Variants in SLC38A9 observed in about 807,000 individuals in gnomAD.
The protein encoded by SLC38A9 is solute carrier family 38 member 9.
A neutral mutation model predicts 62.3 loss-of-function variants in SLC38A9; 48 were observed. The observed-to-expected ratio is 0.77, with a 90% CI of 0.61 to 0.98. The LOEUF (loss-of-function observed/expected upper bound fraction) is 0.98, where lower values mean the gene tolerates loss of function less well. SLC38A9 is among the 50% of genes least tolerant of loss of function. The pLI is 0.00. For synonymous variants in SLC38A9, 204 were observed against 227.7 expected (o/e 0.90, Z 0.94); for missense variants, 541 against 679.8 (o/e 0.80, Z 2.27).
At chr5:55,659,938 G>C (rs1232505970) in intron 8 of SLC38A9, among the ~76,000 whole-genome samples, 1 of 150,156 alleles carries the variant, frequency 6.7e-6, no homozygotes, top group Non-Finnish European at 1.5e-5. Context: ...GCTAATTTTT[G>C]TGTACTTTTA....
At chr5:55,636,676 A>G (rs1404305257) in intron 12 of SLC38A9, among the ~76,000 whole-genome samples, 1 of 152,226 alleles carries the variant, frequency 6.6e-6, no homozygotes, top group African/African-American at 2.4e-5. Flanking sequence ...AACGTAGTAG[A>G]GTTTTATAAA....
chr5:55,635,854 A>T (rs1554050396), intron 12 of SLC38A9, among the ~76,000 whole-genome samples, 197 bp from the exon 13 acceptor site: 1 of 152,080 alleles, frequency 6.6e-6, no homozygotes, highest in Non-Finnish European at 1.5e-5. Flanking sequence ...TAGTCTGGCA[A>T]TTTTTTTTAA....
At chr5:55,691,190 G>C in intron 3 of SLC38A9, 1 of 858,632 alleles carries the variant, frequency 1.2e-6, no homozygotes, top group Non-Finnish European at 1.9e-6. Flanking sequence ...CATATTTACC[G>C]GATTCTCCAT....
chr5:55,690,264 T>G (rs556568233), intron 3 of SLC38A9, among the ~76,000 whole-genome samples: 1 of 152,216 alleles, frequency 6.6e-6, no homozygotes, highest in African/African-American at 2.4e-5. Context: ...AGTGCTGGGA[T>G]TACAGGTGTA....
chr5:55,679,207 A>G (rs1752659983), intron 3 of SLC38A9, among the ~76,000 whole-genome samples: 1 of 152,176 alleles, frequency 6.6e-6, no homozygotes, highest in African/African-American at 2.4e-5. Flanking sequence ...GCACACACAC[A>G]TAAGCAGTCT....
chr5:55,672,466 C>T, intron 4 of SLC38A9, 97 bp downstream of exon 4: 2 of 1,380,488 alleles, frequency 1.4e-6, no homozygotes, highest in Non-Finnish European at 2.0e-6. Flanking sequence ...GAAATACAGT[C>T]AGAAAGAAGT....
At chr5:55,680,215 CTATA>C (rs897571821) in intron 3 of SLC38A9, among the ~76,000 whole-genome samples, 3 of 32,694 alleles carry the variant, frequency 9.2e-5, no homozygotes, top group South Asian at 3.7e-3. Context: ...GTGTATATAT[CTATA>C]TATATATAGA....
Position 55,697,998 on chromosome 5 carries a change from C to T in SLC38A9, c.-34-6G>A, listed in dbSNP as rs1475835346. ...AAGCACTGAAGAAGTTAGTCCTACA[C>T]AAAGAAGATAAATAATTTAGTTTAA... On this transcript the variant is annotated splice_region_variant and splice_polypyrimidine_tract_variant and intron_variant, in intron 2 of 15. Transcript: ENST00000396865. The T allele has an allele frequency of 1.0e-6, 1 of 978,998 alleles. No individual in the cohort carries two copies. Among genetic ancestry groups the T allele is most frequent in the Admixed American group, 2.4e-5 (1 of 41,626 alleles). 60.6% of individuals were successfully genotyped at this position (978,998 alleles called of 1,614,324 possible). A position where few individuals can be genotyped will look rare whatever the true frequency, so the allele number is the denominator to read the frequency against.
chr5:55,668,151 G>A (rs2150331016), intron 7 of SLC38A9, among the ~76,000 whole-genome samples: 1 of 151,602 alleles, frequency 6.6e-6, no homozygotes, highest in East Asian at 1.9e-4. Context: ...CAGCCTGGGT[G>A]ACAGTGAGAT....
chr5:55,644,879 C>T (rs1159248393), intron 12 of SLC38A9, among the ~76,000 whole-genome samples: 1 of 151,984 alleles, frequency 6.6e-6, no homozygotes, highest in African/African-American at 2.4e-5. Flanking sequence ...CCCCCCACCC[C>T]ACAACAGTCC....
chr5:55,705,849 A>AG (rs1757227388), intron 2 of SLC38A9, among the ~76,000 whole-genome samples: 1 of 152,048 alleles, frequency 6.6e-6, no homozygotes, highest in South Asian at 2.1e-4. Context: ...CTGGGACTAC[A>AG]GGTGCCTGCC....
rs1756130682 is a variant in SLC38A9, at chr5:55,697,899, T to A, written c.60A>T (p.Arg20Ser). 6.2e-7 allele frequency: 1 copy of A among 1,600,738 alleles called. No homozygotes were observed. Among genetic ancestry groups the A allele is most frequent in the Non-Finnish European group, 8.5e-7 (1 of 1,176,260 alleles). Residue 20 changes from arginine (R) to serine (S), a missense_variant, in exon 3 of 16, where the codon AGA becomes AGT. By Grantham distance (110) the Arg-to-Ser change is moderately radical. Coordinates refer to ENST00000396865, the MANE Select transcript of SLC38A9 (RefSeq NM_173514.4). Reference protein sequence around the residue: ...HLGTSEVDHERDPGPMNIQFE... With the variant: ...HLGTSEVDHESDPGPMNIQFE... Reference sequence around the variant, plus strand: ...ACTGGATATTCATAGGTCCAGGATCTCTTTCATGATCTACCTCAGAGGTGC... The same window carrying A: ...ACTGGATATTCATAGGTCCAGGATCACTTTCATGATCTACCTCAGAGGTGC...
intron 7 of SLC38A9, among the ~76,000 whole-genome samples, chr5:55,667,088 G>T (rs1260782923): frequency 6.6e-6 from 1 of 152,144 alleles, no homozygotes; most frequent in Non-Finnish European, 1.5e-5. Context: ...CCAGCTACTC[G>T]GGAGGCTGAG....
chr5:55,633,665 G>A, intron 14 of SLC38A9, 89 bp downstream of exon 14: 2 of 1,545,966 alleles, frequency 1.3e-6, no homozygotes, highest in Non-Finnish European at 1.8e-6. Context: ...CATTTTTATA[G>A]CAAAAGGATC....
At chr5:55,710,619 T>A (rs779355822) in intron 2 of SLC38A9, among the ~76,000 whole-genome samples, 9 of 152,106 alleles carry the variant, frequency 5.9e-5, no homozygotes, top group Admixed American at 2.0e-4. Flanking sequence ...GTTTAGTTTT[T>A]GTTTTTGTTT....
At chr5:55,633,962 A>C in intron 13 of SLC38A9, 60 bp from the exon 14 acceptor site, 1 of 1,302,010 alleles carries the variant, frequency 7.7e-7, no homozygotes, top group Non-Finnish European at 1.1e-6. Flanking sequence ...CACATTCATA[A>C]AATGGAATGT....
chr5:55,657,587 G>T (rs1218367304), intron 8 of SLC38A9, among the ~76,000 whole-genome samples: 1 of 151,544 alleles, frequency 6.6e-6, no homozygotes, highest in Admixed American at 6.6e-5. Context: ...TAGACTAAAG[G>T]AAGTAACAAA....
chr5:55,666,142 T>C (rs56735501), intron 7 of SLC38A9, among the ~76,000 whole-genome samples: 4,372 of 151,944 alleles, frequency 0.029, 83 homozygotes, highest in African/African-American at 0.044. Context: ...AAAAAATAGG[T>C]GATAAAGTAG....
chr5:55,636,132 A>C (rs1744363243), intron 12 of SLC38A9, among the ~76,000 whole-genome samples: 1 of 152,240 alleles, frequency 6.6e-6, no homozygotes, highest in Admixed American at 6.5e-5. Flanking sequence ...AGAGCAGAAC[A>C]TACTAAAATA....
Sources: gnomAD v4.1 joint callset for allele counts (sites outside exome capture counted in the v4.1 genomes callset) on GRCh38, gnomAD v4.1.1 for gene constraint, MANE v1.5 for transcripts, NCBI Gene and HGNC (gene_info 2026-07-23, HGNC 2026-07-21) for gene names.